HOXD3: variants seen among roughly 807,000 people sequenced by gnomAD.
The protein encoded by HOXD3 is homeobox protein Hox-D3.
HOXD3 carries 13 observed loss-of-function variants against 32.8 expected under a neutral mutation model. The observed-to-expected ratio is 0.40, with a 90% CI of 0.26 to 0.63. The LOEUF (loss-of-function observed/expected upper bound fraction) is 0.63, where lower values mean the gene tolerates loss of function less well. Among genes scored for constraint, HOXD3 ranks in the 20% least tolerant of loss-of-function variants. The pLI is 0.44. For missense variants in HOXD3, 504 were observed against 577.1 expected, an observed-to-expected ratio of 0.87 and a Z score of 1.30; for synonymous variants, 241 against 246.8, an observed-to-expected ratio of 0.98 and a Z score of 0.22.
chr2:176,153,026 C>A, upstream of HOXD3: 1 of 1,314,544 alleles, frequency 7.6e-7, no homozygotes, highest in Non-Finnish European at 1.1e-6. Context: ...TGTCACCTCG[C>A]TGGGCTCTAA....
chr2:176,163,462 G>A (rs1239853310), intron 1 of HOXD3, among the ~76,000 whole-genome samples: 1 of 152,144 alleles, frequency 6.6e-6, no homozygotes, highest in African/African-American at 2.4e-5. Flanking sequence ...TGACCCAGAA[G>A]TGGGCAGCCC....
chr2:176,153,891 C>G (rs1690593777), upstream of HOXD3, among the ~76,000 whole-genome samples: 2 of 152,178 alleles, frequency 1.3e-5, no homozygotes, highest in African/African-American at 4.8e-5. Context: ...AACAAAACCT[C>G]TATGCACTGG....
chr2:176,153,254 G>A (rs1479813292), upstream of HOXD3: 13 of 396,942 alleles, frequency 3.3e-5, no homozygotes, highest in Non-Finnish European at 4.2e-5. Context: ...ATTTGCAAAT[G>A]AAGGTTGGAT....
intron 1 of HOXD3, among the ~76,000 whole-genome samples, chr2:176,158,251 T>C (rs552338524): frequency 6.6e-6 from 1 of 152,294 alleles, no homozygotes; most frequent in African/African-American, 2.4e-5. Flanking sequence ...ACGGGAAGCC[T>C]GGGGAAAGGA....
At chr2:176,153,256 AG>A (rs1202371308), upstream of HOXD3, 10 of 390,138 alleles carry the variant, frequency 2.6e-5, no homozygotes, top group Admixed American at 3.8e-4. Flanking sequence ...TTGCAAATGA[AG>A]GTTGGATGCT....
At chr2:176,155,131 G>A (rs1037193280), upstream of HOXD3, among the ~76,000 whole-genome samples, 1 of 152,124 alleles carries the variant, frequency 6.6e-6, no homozygotes, top group African/African-American at 2.4e-5. Flanking sequence ...GAAAGGAGCC[G>A]CTATCCTTAG....
At chr2:176,154,468 A>C (rs1690604973), upstream of HOXD3, among the ~76,000 whole-genome samples, 1 of 152,230 alleles carries the variant, frequency 6.6e-6, no homozygotes, top group African/African-American at 2.4e-5. Flanking sequence ...AAAGTGACCA[A>C]AGTGGGAAAG....
At position 176,169,985 on chromosome 2, in the gene HOXD3, T is replaced by C. The variant is rs201107964; in HGVS notation, c.541+330T>C. On this transcript the variant is annotated intron_variant, in intron 3 of 3. Coordinates refer to ENST00000683222, the MANE Select transcript of HOXD3 (RefSeq NM_006898.5). The stretch of plus-strand genomic sequence containing the variant: ...CCAACAGCTCTTCAAGATTTGAAGA[T>C]AGGTATTACAATCCCCAAGCCTAGG... Among the ~76,000 whole-genome samples, 59 of 152,282 alleles carry C rather than the reference T, an allele frequency of 3.9e-4. 2 individuals are homozygous for C. The East Asian group carries it at 8.1e-3, about 21-fold the overall frequency.
upstream of HOXD3, among the ~76,000 whole-genome samples, chr2:176,156,495 C>T (rs1003755049): frequency 6.6e-6 from 1 of 152,142 alleles, no homozygotes; most frequent in African/African-American, 2.4e-5. Flanking sequence ...TACTGGTCCC[C>T]CACCCCTAAG....
At chr2:176,152,689 A>G (rs1276390734), upstream of HOXD3, 1 of 1,614,132 alleles carries the variant, frequency 6.2e-7, no homozygotes, top group Non-Finnish European at 8.5e-7. This position sits in a 1 kb window ranked among gnomAD's most constrained non-coding sequence, Gnocchi z 5.2. Flanking sequence ...CTGGAAAAAG[A>G]ATTTCATTTT....
At chr2:176,156,330 A>G (rs1173544926), upstream of HOXD3, among the ~76,000 whole-genome samples, 1 of 149,360 alleles carries the variant, frequency 6.7e-6, no homozygotes, top group East Asian at 1.9e-4. Context: ...TTCAGGGTAC[A>G]GAGTGTTGGG....
chr2:176,160,192 C>T (rs1183210360), intron 1 of HOXD3, among the ~76,000 whole-genome samples: 2 of 152,160 alleles, frequency 1.3e-5, no homozygotes. Context: ...GCCGCCTTGC[C>T]GGGGTGCATG....
At chr2:176,152,639 G>T, upstream of HOXD3, 1 of 1,614,154 alleles carries the variant, frequency 6.2e-7, no homozygotes, top group Non-Finnish European at 8.5e-7. The surrounding 1 kb of genome is among the most constrained non-coding windows in gnomAD (Gnocchi z 5.2). Context: ...GGGAACCCAA[G>T]CGGTCCCGAA....
At chr2:176,159,477 T>A (rs1690729884) in intron 1 of HOXD3, among the ~76,000 whole-genome samples, 1 of 152,158 alleles carries the variant, frequency 6.6e-6, no homozygotes, top group African/African-American at 2.4e-5. Context: ...AACAGAGCAT[T>A]TCACTGTGCC....
chr2:176,164,682 G>A, intron 2 of HOXD3: 1 of 152,206 alleles, frequency 6.6e-6, no homozygotes, highest in Non-Finnish European at 1.5e-5. Flanking sequence ...AAAACAGGGG[G>A]AGGCGCCGAG....
At position 176,169,614 on chromosome 2, in the gene HOXD3, C is replaced by T. The variant is rs1691108034; in HGVS notation, c.500C>T (p.Ser167Phe). The T allele has an allele frequency of 6.2e-7, 1 of 1,610,448 alleles. No individual in the cohort carries two copies. ...SKQIFPWMKE[S>F]RQNSKQKNSC... is the part of the protein sequence containing the mutation. ...CAGATCTTCCCCTGGATGAAAGAGT[C>T]TCGACAGAACTCCAAGCAGAAGAAC... Residue 167 changes from serine (S) to phenylalanine (F), a missense_variant, in exon 3 of 4, where the codon TCT becomes TTT. This residue lies in a region of HOXD3 where 97 missense variants were observed against 158.0 expected (regional missense o/e 0.61). Transcript: ENST00000683222.
intron 1 of HOXD3, among the ~76,000 whole-genome samples, chr2:176,158,148 A>T (rs886510063): frequency 2.6e-5 from 4 of 151,782 alleles, no homozygotes; most frequent in African/African-American, 9.7e-5. Context: ...TTTCCCGTTT[A>T]TTTTTGTGTT....
upstream of HOXD3, chr2:176,153,027 T>A: frequency 1.6e-6 from 2 of 1,281,630 alleles, no homozygotes; most frequent in Non-Finnish European, 1.1e-6. Context: ...GTCACCTCGC[T>A]GGGCTCTAAG....
chr2:176,160,711 A>G (rs1243899658), intron 1 of HOXD3, among the ~76,000 whole-genome samples: 1 of 152,004 alleles, frequency 6.6e-6, no homozygotes, highest in Non-Finnish European at 1.5e-5. Context: ...CGCAAGCAAA[A>G]CAAATCCCAA....
Sources: gnomAD v4.1 joint callset for allele counts (sites outside exome capture counted in the v4.1 genomes callset) on GRCh38, gnomAD v4.1.1 for gene constraint, gnomAD v4.1.1 regional missense constraint, Gnocchi (gnomAD v3.1) non-coding constraint, MANE v1.5 for transcripts, NCBI Gene and HGNC (gene_info 2026-07-23, HGNC 2026-07-21) for gene names.